The following PLCB4 variants were observed in gnomAD, a reference collection of about 807,000 sequenced individuals.
PLCB4 encodes 1-phosphatidylinositol 4,5-bisphosphate phosphodiesterase beta-4.
In PLCB4, 77 loss-of-function variants were observed where a neutral mutation model predicts 178.8. That is an observed-to-expected ratio of 0.43 (90% CI 0.36 to 0.52). The LOEUF (loss-of-function observed/expected upper bound fraction) is 0.52. Ranked by LOEUF, PLCB4 falls within the 20% of genes least tolerant of loss-of-function variation. The pLI, the probability that PLCB4 is intolerant of heterozygous loss-of-function variation, is 0.00. For missense variants in PLCB4, 1,024 were observed against 1,453.4 expected, an observed-to-expected ratio of 0.70 and a Z score of 4.80; for synonymous variants, 496 against 490.8, an observed-to-expected ratio of 1.01 and a Z score of -0.14.
intron 4 of PLCB4, among the ~76,000 whole-genome samples, chr20:9,308,801 A>G (rs1232885930): frequency 6.6e-6 from 1 of 152,196 alleles, no homozygotes; most frequent in South Asian, 2.1e-4. Flanking sequence ...TAAGTAAACA[A>G]AATTGCAAAT....
chr20:9,367,265 AT>A (rs1182485466), intron 9 of PLCB4, among the ~76,000 whole-genome samples: 5 of 152,116 alleles, frequency 3.3e-5, no homozygotes, highest in South Asian at 2.1e-4. Flanking sequence ...ACCTTAGACA[AT>A]TTTTTTTAAA....
intron 18 of PLCB4, among the ~76,000 whole-genome samples, chr20:9,394,284 TTAA>T (rs558829718): frequency 5.3e-5 from 8 of 152,180 alleles, no homozygotes; most frequent in Admixed American, 3.3e-4. Context: ...TTAAATTATG[TTAA>T]TGACAGTTTA....
intron 36 of PLCB4, among the ~76,000 whole-genome samples, chr20:9,472,359 G>A (rs1437572844): frequency 6.6e-6 from 1 of 152,192 alleles, no homozygotes; most frequent in East Asian, 1.9e-4. Flanking sequence ...GTATGCACAG[G>A]AAAGTTTGAG....
At chr20:9,436,496 T>C (rs1486002938) in intron 29 of PLCB4, among the ~76,000 whole-genome samples, 1 of 152,176 alleles carries the variant, frequency 6.6e-6, no homozygotes, top group East Asian at 1.9e-4. Context: ...GGACTACAGA[T>C]GCATGCCACT....
At chr20:9,267,601 C>T (rs2147596342) in intron 3 of PLCB4, among the ~76,000 whole-genome samples, 1 of 152,066 alleles carries the variant, frequency 6.6e-6, no homozygotes, top group East Asian at 1.9e-4. Context: ...GGTTAAAACT[C>T]ATCTGAAAAT....
At chr20:9,144,562 G>T (rs2092556286) in intron 2 of PLCB4, among the ~76,000 whole-genome samples, 1 of 151,002 alleles carries the variant, frequency 6.6e-6, no homozygotes, top group Non-Finnish European at 1.5e-5. Context: ...GGAGTCCAAG[G>T]CTGGAGGATT....
At chr20:9,116,577 C>A (rs2091786469) in intron 2 of PLCB4, among the ~76,000 whole-genome samples, 1 of 152,186 alleles carries the variant, frequency 6.6e-6, no homozygotes, top group African/African-American at 2.4e-5. Context: ...TGCCCTTAGG[C>A]TGTAGGAGCC....
At chr20:9,106,135 A>G (rs2091353384) in intron 2 of PLCB4, among the ~76,000 whole-genome samples, 1 of 152,092 alleles carries the variant, frequency 6.6e-6, no homozygotes, top group Admixed American at 6.5e-5. Context: ...TGAACATTTA[A>G]TAAAGTTGTG....
At chr20:9,213,780 G>C (rs2093699167) in intron 2 of PLCB4, among the ~76,000 whole-genome samples, 1 of 152,190 alleles carries the variant, frequency 6.6e-6, no homozygotes, top group African/African-American at 2.4e-5. Context: ...ATTTCCACCA[G>C]CAGTGTATGA....
chr20:9,086,381 A>G (rs2090422394), intron 1 of PLCB4, among the ~76,000 whole-genome samples: 1 of 151,922 alleles, frequency 6.6e-6, no homozygotes, highest in Non-Finnish European at 1.5e-5. Context: ...GTTTAGCAAA[A>G]TGGTTGTGAG....
chr20:9,411,082 C>T lies in PLCB4; in HGVS notation c.2045C>T (p.Ser682Leu), dbSNP rs747043641. 1 of 1,603,746 alleles carries T rather than the reference C, an allele frequency of 6.2e-7. No individual in the cohort carries two copies. The highest frequency in any genetic ancestry group is 8.5e-7 in the Non-Finnish European group (1 of 1,170,818). The change falls in exon 25 of 40, where the codon TCG (serine) becomes TTG (leucine). Residue 682 changes from serine (S) to leucine (L), a missense_variant. Around this residue, in one of 7 missense-constraint regions of PLCB4, gnomAD observed 227 missense variants for 374.3 expected, o/e 0.61. Coordinates refer to ENST00000378473, the MANE Select transcript of PLCB4 (RefSeq NM_001377142.1). ...LNQGKFEYNG[S>L]CGYLLKPDFM... ...CAGGGAAAATTTGAGTATAATGGAT[C>T]GTGCGGGTGAGTAATATGATTTAAA...
chr20:9,260,348 T>G (rs1283635749), intron 3 of PLCB4, among the ~76,000 whole-genome samples: 1 of 152,162 alleles, frequency 6.6e-6, no homozygotes, highest in African/African-American at 2.4e-5. Flanking sequence ...ATTCTCTTTT[T>G]GTAAAAAGTT....
chr20:9,433,610 C>T (rs1322350106), intron 28 of PLCB4, among the ~76,000 whole-genome samples: 3 of 152,088 alleles, frequency 2.0e-5, no homozygotes, highest in Non-Finnish European at 4.4e-5. Flanking sequence ...ATGTGGCAAA[C>T]AAATGTTTAT....
At chr20:9,131,781 A>G (rs923449845) in intron 2 of PLCB4, among the ~76,000 whole-genome samples, 6 of 152,160 alleles carry the variant, frequency 3.9e-5, no homozygotes, top group African/African-American at 1.2e-4. Flanking sequence ...AGACTTGGCC[A>G]TATAACTTCC....
At chr20:9,127,176 C>G (rs576212435) in intron 2 of PLCB4, among the ~76,000 whole-genome samples, 2 of 152,182 alleles carry the variant, frequency 1.3e-5, no homozygotes, top group Admixed American at 1.3e-4. Flanking sequence ...TCATTGAACT[C>G]TAAGGTGTGC....
At chr20:9,217,716 C>G (rs1331400989) in intron 3 of PLCB4, among the ~76,000 whole-genome samples, 1 of 152,166 alleles carries the variant, frequency 6.6e-6, no homozygotes, top group African/African-American at 2.4e-5. Flanking sequence ...TAGTGTTGCC[C>G]GCATTTAGTA....
intron 2 of PLCB4, among the ~76,000 whole-genome samples, chr20:9,206,521 T>A (rs2093617688): frequency 6.6e-6 from 1 of 152,072 alleles, no homozygotes; most frequent in South Asian, 2.1e-4. Flanking sequence ...CAACTGAAGC[T>A]TCAAAAAGAA....
In PLCB4 at chr20:9,384,345, C is replaced by T. The variant is rs2079912860; in HGVS notation, c.998C>T (p.Thr333Ile). 3 of 1,614,188 alleles carry T rather than the reference C, an allele frequency of 1.9e-6. No homozygotes were observed. In the South Asian group the frequency reaches 3.3e-5, roughly 18 times the overall value. Residue 333 changes from threonine (T) to isoleucine (I), a missense_variant, in exon 14 of 40, where the codon ACT (threonine) becomes ATT (isoleucine). Thr to Ile is a moderately conservative substitution (Grantham distance 89). Around this residue, in one of 7 missense-constraint regions of PLCB4, gnomAD observed 263 missense variants for 417.4 expected, o/e 0.63. Coordinates refer to ENST00000378473, the MANE Select transcript of PLCB4 (RefSeq NM_001377142.1). ...AGTTCTTCCCATAACACTTATCTCA[C>T]TGGCAGACAGTTCGGCGGGAAGTCT... is the stretch of plus-strand genomic sequence containing the variant. ...FISSSHNTYL[T>I]GRQFGGKSSV... is the part of the protein sequence containing the mutation.
intron 2 of PLCB4, among the ~76,000 whole-genome samples, chr20:9,102,648 C>G (rs1338421392): frequency 6.6e-6 from 1 of 152,040 alleles, no homozygotes; most frequent in African/African-American, 2.4e-5. Context: ...GAGAAAAGTG[C>G]TTAATAAACA....
Sources: allele counts gnomAD v4.1 joint callset (sites outside exome capture counted in the v4.1 genomes callset), GRCh38; gene constraint gnomAD v4.1.1; regional missense constraint gnomAD v4.1.1; transcripts MANE v1.5; gene names NCBI Gene and HGNC (gene_info 2026-07-23, HGNC 2026-07-21).